ARHGEF10L: variants seen among roughly 807,000 people sequenced by gnomAD.
ARHGEF10L encodes the protein Rho guanine nucleotide exchange factor 10 like.
ARHGEF10L carries 69 observed loss-of-function variants against 141.2 expected under a neutral mutation model. That is an observed-to-expected ratio of 0.49 (90% CI 0.40 to 0.60). The LOEUF (loss-of-function observed/expected upper bound fraction) is 0.60. ARHGEF10L is among the 20% of genes least tolerant of loss of function. ARHGEF10L has a pLI of 0.00. For synonymous variants in ARHGEF10L, 711 were observed against 718.5 expected (o/e 0.99, Z 0.17); for missense variants, 1,482 against 1,734.3 (o/e 0.85, Z 2.58).
intron 1 of ARHGEF10L, among the ~76,000 whole-genome samples, chr1:17,579,116 G>GGAGA (rs2078358770): frequency 6.6e-6 from 1 of 152,076 alleles, no homozygotes. Context: ...CGCCTCCCAC[G>GGAGA]TTCAAGTGAT....
Position 17,618,441 on chromosome 1 carries a change from C to T in ARHGEF10L, c.836-898C>T, listed in dbSNP as rs776941251. 111 of 1,518,472 alleles carry T rather than the reference C, an allele frequency of 7.3e-5. 3 individuals carry two copies. The South Asian group carries it at 8.3e-4, about 11-fold the overall frequency. 94.1% of individuals were successfully genotyped at this position (1,518,472 alleles called of 1,614,324 possible). A position where few individuals can be genotyped will look rare whatever the true frequency, so the allele number is the denominator to read the frequency against. The stretch of plus-strand genomic sequence containing the variant: ...TGATGCCCGGGGCGTGATGTGGGCC[C>T]GGCAGGAGGGTCTGCACCACCCCCA... On this transcript the variant is annotated intron_variant, in intron 9 of 28. Transcript: ENST00000361221.
intron 8 of ARHGEF10L, 107 bp downstream of exon 8, chr1:17,613,281 C>A (rs1045497425): frequency 2.3e-6 from 2 of 886,994 alleles, no homozygotes; most frequent in Non-Finnish European, 1.8e-6. Flanking sequence ...ACCAGGCCCA[C>A]CCTTGAGTCC....
chr1:17,645,824 G>A (rs890231988), intron 21 of ARHGEF10L, among the ~76,000 whole-genome samples: 9 of 152,190 alleles, frequency 5.9e-5, no homozygotes, highest in Non-Finnish European at 1.0e-4. Flanking sequence ...CGTGGAGTGC[G>A]GATAGAAGGA....
Position 17,607,704 on chromosome 1 carries a change from C to A in ARHGEF10L, c.434-98C>A, listed in dbSNP as rs961247282. Reference sequence around the variant, plus strand: ...GGGCCCCCATGTTCTCCCTGACCCCCCCTCGCCCCACCTGGGTTCAGAAAT... The same window carrying A: ...GGGCCCCCATGTTCTCCCTGACCCCACCTCGCCCCACCTGGGTTCAGAAAT... On this transcript the variant is annotated intron_variant, in intron 6 of 28. Transcript: ENST00000361221. This position sits in a 1 kb window ranked among gnomAD's most constrained non-coding sequence, Gnocchi z 4.5. 1.2e-5 allele frequency: 16 copies of A among 1,287,048 alleles called. No individual in the cohort carries two copies. Among genetic ancestry groups the A allele is most frequent in the Middle Eastern group, 2.8e-4 (1 of 3,558 alleles). The allele number at this position is 1,287,048 out of a possible 1,614,324, so 79.7% of individuals were successfully genotyped here.
chr1:17,542,456 T>C (rs2076765021), intron 1 of ARHGEF10L, among the ~76,000 whole-genome samples: 1 of 152,108 alleles, frequency 6.6e-6, no homozygotes, highest in South Asian at 2.1e-4. Flanking sequence ...CTTAATTATA[T>C]ATATGAGAAA....
chr1:17,664,000 C>A (rs550004444), intron 25 of ARHGEF10L, among the ~76,000 whole-genome samples: 2 of 152,184 alleles, frequency 1.3e-5, no homozygotes, highest in African/African-American at 2.4e-5. Flanking sequence ...TTGTGCTTGG[C>A]GTGTCATGTG....
chr1:17,633,950 C>G (rs2101716260), intron 16 of ARHGEF10L, among the ~76,000 whole-genome samples: 1 of 152,296 alleles, frequency 6.6e-6, no homozygotes, highest in East Asian at 1.9e-4. Context: ...TCTATGAATC[C>G]ATTGAATGTA....
rs1051594119 is a variant in ARHGEF10L, at chr1:17,654,955, C to T, written c.2481+233C>T. On this transcript the variant is annotated intron_variant, in intron 23 of 28. Coordinates refer to ENST00000361221, the MANE Select transcript of ARHGEF10L (RefSeq NM_018125.4). The surrounding 1 kb of genome is among the most constrained non-coding windows in gnomAD (Gnocchi z 4.3). Reference sequence around the variant, plus strand: ...AGCTAAAAAGAGAGTGTGCCTTTTGCAAATGGTGACAGGGCTGAGAAGGAA... The same window carrying T: ...AGCTAAAAAGAGAGTGTGCCTTTTGTAAATGGTGACAGGGCTGAGAAGGAA... Among the ~76,000 whole-genome samples, 1 of 152,148 alleles carries T rather than the reference C, an allele frequency of 6.6e-6. No homozygotes were observed. Among genetic ancestry groups the T allele is most frequent in the Non-Finnish European group, 1.5e-5 (1 of 68,024 alleles).
At chr1:17,643,641 CA>C (rs1182297049) in intron 21 of ARHGEF10L, among the ~76,000 whole-genome samples, 1 of 152,192 alleles carries the variant, frequency 6.6e-6, no homozygotes, top group African/African-American at 2.4e-5. Flanking sequence ...GTGATCCCAG[CA>C]AACTAACTCT....
chr1:17,588,363 G>T, intron 3 of ARHGEF10L, 83 bp from the exon 4 acceptor site: 1 of 1,517,360 alleles, frequency 6.6e-7, no homozygotes, highest in East Asian at 2.3e-5. Flanking sequence ...CCCCTGGGGA[G>T]GCTGGGAAAG....
chr1:17,538,685 G>C (rs1022772310), upstream of ARHGEF10L, among the ~76,000 whole-genome samples: 1 of 137,664 alleles, frequency 7.3e-6, no homozygotes, highest in Non-Finnish European at 1.5e-5. Context: ...TGACAAATAG[G>C]GAGTAGTTAA....
At chr1:17,630,608 G>A (rs1322853947) in intron 15 of ARHGEF10L, among the ~76,000 whole-genome samples, 1 of 152,244 alleles carries the variant, frequency 6.6e-6, no homozygotes, top group Non-Finnish European at 1.5e-5. Context: ...AGGGAATGGT[G>A]AACGTGGCCT....
intron 1 of ARHGEF10L, among the ~76,000 whole-genome samples, chr1:17,574,161 G>C (rs2078126767): frequency 6.6e-6 from 1 of 152,104 alleles, no homozygotes; most frequent in Non-Finnish European, 1.5e-5. Context: ...CCTGGGCCTG[G>C]GACCAGGCTG....
intron 2 of ARHGEF10L, 109 bp downstream of exon 2, chr1:17,580,741 G>C (rs1208373635): frequency 7.6e-7 from 1 of 1,323,792 alleles, no homozygotes; most frequent in Non-Finnish European, 1.1e-6. Flanking sequence ...TGGGAAGTCT[G>C]CTCTGCTGGC....
At chr1:17,567,220 C>T (rs1300450633) in intron 1 of ARHGEF10L, among the ~76,000 whole-genome samples, 1 of 152,202 alleles carries the variant, frequency 6.6e-6, no homozygotes, top group African/African-American at 2.4e-5. Flanking sequence ...TGGCAGTCTG[C>T]AAGAAGCGAG....
chr1:17,697,420 G>T lies in ARHGEF10L; in HGVS notation c.*40G>T. On this transcript the variant is annotated 3_prime_UTR_variant, in exon 29 of 29. Coordinates refer to ENST00000361221, the MANE Select transcript of ARHGEF10L (RefSeq NM_018125.4). This position sits in a 1 kb window ranked among gnomAD's most constrained non-coding sequence, Gnocchi z 4.8. The stretch of plus-strand genomic sequence containing the variant: ...CCTCAGAGGGCACAGCTGCAGGCCT[G>T]ACCAAGGCCACGCCCGGCTCTCGTG... 2 of 1,545,008 alleles carry T rather than the reference G, an allele frequency of 1.3e-6. No homozygotes were observed. The highest frequency in any genetic ancestry group is 2.5e-5 in the South Asian group (2 of 80,820).
Position 17,539,712 on chromosome 1 carries a change from G to A in ARHGEF10L, c.-282G>A, listed in dbSNP as rs2076643534. ...GGGGCGGCGCCGCGTCGCGCACGGC[G>A]GCGGCGGCGGGACCAGGCCTCGGAG... On this transcript the variant is annotated 5_prime_UTR_variant, in exon 1 of 29. Coordinates refer to ENST00000361221, the MANE Select transcript of ARHGEF10L (RefSeq NM_018125.4). This position sits in a 1 kb window ranked among gnomAD's most constrained non-coding sequence, Gnocchi z 6.0. 1 of 145,490 alleles carries A rather than the reference G, an allele frequency of 6.9e-6. No homozygotes were observed. The highest frequency in any genetic ancestry group is 2.5e-5 in the African/African-American group (1 of 40,410). 9.0% of individuals were successfully genotyped at this position (145,490 alleles called of 1,614,324 possible).
Position 17,639,423 on chromosome 1 carries a change from A to C in ARHGEF10L, c.2171+734A>C, listed in dbSNP as rs529800898. Among the ~76,000 whole-genome samples the C allele has an allele frequency of 1.7e-4, 26 of 152,318 alleles. No homozygotes were observed. The highest frequency in any genetic ancestry group is 6.0e-4 in the African/African-American group (25 of 41,580). Reference sequence around the variant, plus strand: ...GAGTGTCACAAGCACAGTGGCTGCAAGGAAGAGAAGGTTGGAGCACTATCA... The same window carrying C: ...GAGTGTCACAAGCACAGTGGCTGCACGGAAGAGAAGGTTGGAGCACTATCA... On this transcript the variant is annotated intron_variant, in intron 20 of 28. Coordinates refer to ENST00000361221, the MANE Select transcript of ARHGEF10L (RefSeq NM_018125.4). The surrounding 1 kb of genome is among the most constrained non-coding windows in gnomAD (Gnocchi z 4.3).
rs1402036689 is a variant in ARHGEF10L, at chr1:17,558,232, T to C, written c.-44+18282T>C. Among the ~76,000 whole-genome samples the C allele has an allele frequency of 6.6e-6, 1 of 151,660 alleles. No individual in the cohort carries two copies. Among genetic ancestry groups the C allele is most frequent in the Non-Finnish European group, 1.5e-5 (1 of 67,906 alleles). On this transcript the variant is annotated intron_variant, in intron 1 of 28. Coordinates refer to ENST00000361221, the MANE Select transcript of ARHGEF10L (RefSeq NM_018125.4). This position sits in a 1 kb window ranked among gnomAD's most constrained non-coding sequence, Gnocchi z 4.2. ...ATCCATCCGCCTGCCCATCCATTCA[T>C]CCATTTATCTACCCATCCACCTACT...
Sources: gnomAD v4.1 joint callset for allele counts (sites outside exome capture counted in the v4.1 genomes callset) on GRCh38, gnomAD v4.1.1 for gene constraint, Gnocchi (gnomAD v3.1) non-coding constraint, MANE v1.5 for transcripts, NCBI Gene and HGNC (gene_info 2026-07-23, HGNC 2026-07-21) for gene names.